The following TEX261 variants were observed in gnomAD, a reference collection of about 807,000 sequenced individuals.
TEX261 encodes the protein testis expressed 261.
Under a neutral mutation model 25.1 loss-of-function variants are expected in TEX261, and 13 were observed. The ratio of observed to expected loss-of-function variants is 0.52; its 90% CI spans 0.34 to 0.82. TEX261 has a LOEUF of 0.82. TEX261 is among the 40% of genes least tolerant of loss of function. The pLI is 0.02. For synonymous variants in TEX261, 92 were observed against 97.8 expected (o/e 0.94, Z 0.35); for missense variants, 206 against 243.2 (o/e 0.85, Z 1.02).
At chr2:70,990,672 G>T (rs1281830645) in intron 3 of TEX261, among the ~76,000 whole-genome samples, 2 of 152,196 alleles carry the variant, frequency 1.3e-5, no homozygotes, top group Non-Finnish European at 2.9e-5. Flanking sequence ...CTAAGGCAAA[G>T]ACTACAGTTC....
chr2:70,991,965 T>C lies in TEX261; in HGVS notation c.169A>G (p.Ile57Val). 6.2e-7 allele frequency: 1 copy of C among 1,608,888 alleles called. No homozygotes were observed. Residue 57 changes from isoleucine (I) to valine (V), a missense_variant, in exon 3 of 6, where the codon ATT becomes GTT. Coordinates refer to ENST00000272438, the MANE Select transcript of TEX261 (RefSeq NM_144582.3). The stretch of plus-strand genomic sequence containing the variant: ...AAGCGCTCAAAGACGTAGAGGCCAA[T>C]CAGTACAGCGGTGGAGAACTGAAAC... ...YMIWFSTAVL[I>V]GLYVFERFPT...
At position 70,992,461 on chromosome 2, in the gene TEX261, G is replaced by A. The variant is rs566078591; in HGVS notation, c.151-478C>T. 5.9e-5 allele frequency among the ~76,000 whole-genome samples: 9 copies of A among 152,192 alleles called. No homozygotes were observed. In the East Asian group the frequency reaches 1.7e-3, roughly 30 times the overall value. ...AAGAAAAACATCTGCCAGGCGAGGTGGCTCACGCCTGGAATCCCAACACTT... is the reference window on the plus strand; with the variant it reads ...AAGAAAAACATCTGCCAGGCGAGGTAGCTCACGCCTGGAATCCCAACACTT... On this transcript the variant is annotated intron_variant, in intron 2 of 5. Transcript: ENST00000272438.
chr2:70,991,810 C>T lies in TEX261; in HGVS notation c.304+20G>A. On this transcript the variant is annotated intron_variant, in intron 3 of 5. Coordinates refer to ENST00000272438, the MANE Select transcript of TEX261 (RefSeq NM_144582.3). ...ACACCCAACCACATCAGCTGCCTCC[C>T]CAACTCTGTCCCCTCTCACCACACG... 1 of 1,610,840 alleles carries T rather than the reference C, an allele frequency of 6.2e-7. No homozygotes were observed. The highest frequency in any genetic ancestry group is 2.2e-5 in the East Asian group (1 of 44,666).
intron 2 of TEX261, among the ~76,000 whole-genome samples, chr2:70,992,230 T>A (rs1670316178): frequency 6.6e-6 from 1 of 151,666 alleles, no homozygotes. Flanking sequence ...TTCAAGCAAT[T>A]CTCTTGCCTC....
chr2:70,992,500 C>A (rs1553425756), intron 2 of TEX261, among the ~76,000 whole-genome samples: 1 of 152,176 alleles, frequency 6.6e-6, no homozygotes, highest in African/African-American at 2.4e-5. Flanking sequence ...GAGGCCAAGG[C>A]AGGCAGATCA....
At chr2:70,989,609 C>T (rs1394532135) in intron 4 of TEX261, 140 bp downstream of exon 4, 18 of 673,704 alleles carry the variant, frequency 2.7e-5, no homozygotes, top group Non-Finnish European at 4.2e-5. Flanking sequence ...CTCAAACCAT[C>T]TATGTTTTGT....
intron 2 of TEX261, among the ~76,000 whole-genome samples, chr2:70,992,580 T>C (rs1422978405): frequency 2.0e-5 from 3 of 152,022 alleles, no homozygotes; most frequent in Admixed American, 1.3e-4. Flanking sequence ...AAATACAAAA[T>C]TAGCCAGGCA....
intron 4 of TEX261, 47 bp downstream of exon 4, chr2:70,989,702 T>A (rs1357072682): frequency 1.5e-6 from 2 of 1,298,394 alleles, no homozygotes; most frequent in Non-Finnish European, 2.2e-6. Flanking sequence ...AGTTCCCTTT[T>A]ACTACCCTGT....
intron 3 of TEX261, 54 bp from the exon 4 acceptor site, chr2:70,989,870 C>G (rs1553425442): frequency 7.2e-7 from 1 of 1,383,670 alleles, no homozygotes; most frequent in Non-Finnish European, 1.0e-6. Context: ...GAAAGCTGTA[C>G]TTTTAACTTC....
intron 3 of TEX261, among the ~76,000 whole-genome samples, chr2:70,991,322 G>T (rs782041919): frequency 6.6e-6 from 1 of 152,206 alleles, no homozygotes; most frequent in Non-Finnish European, 1.5e-5. Flanking sequence ...GCTCAAGCCC[G>T]AGGCAGCGGC....
intron 4 of TEX261, 87 bp from the exon 5 acceptor site, chr2:70,989,104 A>G (rs1281541799): frequency 1.8e-6 from 2 of 1,116,254 alleles, no homozygotes; most frequent in African/African-American, 3.1e-5. Context: ...TCAAGAGTGC[A>G]CAGGGGGCCA....
rs907293764 is a variant in TEX261, at chr2:70,986,606, A to G, written c.*1994T>C. On this transcript the variant is annotated 3_prime_UTR_variant, in exon 6 of 6. Transcript: ENST00000272438. ...GGCAGAAAGAGAAAACAGGAATAGA[A>G]TAAGTTTCCTGTCTGGCTCCTGAGT... 1 of 152,518 alleles carries G rather than the reference A, an allele frequency of 6.6e-6. No homozygotes were observed. Among genetic ancestry groups the G allele is most frequent in the Admixed American group, 6.6e-5 (1 of 15,260 alleles). The allele number at this position is 152,518 out of a possible 1,614,324, so 9.4% of individuals were successfully genotyped here.
At chr2:70,994,503 C>G (rs1171993165) in intron 1 of TEX261, 185 bp downstream of exon 1, 12 of 810,900 alleles carry the variant, frequency 1.5e-5, no homozygotes, top group Non-Finnish European at 2.3e-5. Context: ...GAAGGAGCCA[C>G]GGTCAGGCCG....
In TEX261 at chr2:70,988,635, C is replaced by T. The variant is rs782411704; in HGVS notation, c.556G>A (p.Glu186Lys). 6 of 1,614,190 alleles carry T rather than the reference C, an allele frequency of 3.7e-6. No homozygotes were observed. Among genetic ancestry groups the T allele is most frequent in the Non-Finnish European group, 5.1e-6 (6 of 1,180,032 alleles). ...GILVVFSFIK[E>K]AILPSRQKIY ...TTCTGACGACTGGGTAGAATGGCCT[C>T]TTTGATGAAGGAGAAGACAACCAGG... The change falls in exon 6 of 6, where the codon GAG becomes AAG. Residue 186 changes from glutamate (E) to lysine (K), a missense_variant. Coordinates refer to ENST00000272438, the MANE Select transcript of TEX261 (RefSeq NM_144582.3).
At chr2:70,993,500 G>A (rs915940058) in intron 2 of TEX261, among the ~76,000 whole-genome samples, 196 bp downstream of exon 2, 15 of 152,196 alleles carry the variant, frequency 9.9e-5, no homozygotes, top group African/African-American at 3.6e-4. Flanking sequence ...AATGCCACTT[G>A]GGGAAGGCGG....
rs782286051 is a variant in TEX261 at position 70,988,943 on chromosome 2, G to A, written c.447C>T (p.Asn149=). 27 of 1,613,952 alleles carry A rather than the reference G, an allele frequency of 1.7e-5. No individual in the cohort carries two copies. Among genetic ancestry groups the A allele is most frequent in the African/African-American group, 5.3e-5 (4 of 74,884 alleles). ...AFFVSLSAGE[N]VLPSTMQPGD... is the part of the protein sequence containing the mutation. The stretch of plus-strand genomic sequence containing the variant: ...CTGGCTGCATGGTAGAGGGCAGGAC[G>A]TTCTCCCCGGCCGAAAGTGACACAA... The change falls in exon 5 of 6, where the codon AAC becomes AAT. Residue 149 remains asparagine, a synonymous_variant. Transcript: ENST00000272438.
chr2:70,992,023 C>T (rs1670310855), intron 2 of TEX261, 40 bp from the exon 3 acceptor site: 2 of 1,533,984 alleles, frequency 1.3e-6, no homozygotes, highest in Non-Finnish European at 1.8e-6. Context: ...GCGCTTCTTC[C>T]AGGCAACGTT....
chr2:70,994,405 G>T, intron 1 of TEX261: 1 of 524,072 alleles, frequency 1.9e-6, no homozygotes, highest in Non-Finnish European at 3.4e-6. Context: ...AAGAGTGGGA[G>T]CCGCAGCGGT....
chr2:70,988,468 G>A lies in TEX261; in HGVS notation c.*132C>T, dbSNP rs905587077. On this transcript the variant is annotated 3_prime_UTR_variant, in exon 6 of 6. Coordinates refer to ENST00000272438, the MANE Select transcript of TEX261 (RefSeq NM_144582.3). ...AGCCCCCCAAGGAGGGTGGGGATGG[G>A]GCTCCAGAGTTGAGGGGAAGAAAGC... The A allele has an allele frequency of 1.0e-5, 7 of 684,350 alleles. No homozygotes were observed. The highest frequency in any genetic ancestry group is 1.6e-5 in the Non-Finnish European group (6 of 385,378). 42.4% of individuals were successfully genotyped at this position (684,350 alleles called of 1,614,324 possible). A position where few individuals can be genotyped will look rare whatever the true frequency, so the allele number is the denominator to read the frequency against.
Sources: allele counts gnomAD v4.1 joint callset (sites outside exome capture counted in the v4.1 genomes callset), GRCh38; gene constraint gnomAD v4.1.1; transcripts MANE v1.5; gene names NCBI Gene and HGNC (gene_info 2026-07-23, HGNC 2026-07-21).